The following RAD23B variants were observed in gnomAD, a reference collection of about 807,000 sequenced individuals.
The protein encoded by RAD23B is lysine-specific demethylase RAD23B.
RAD23B carries 5 observed loss-of-function variants against 49.1 expected under a neutral mutation model. The observed-to-expected ratio is 0.10, with a 90% CI of 0.05 to 0.21. The LOEUF is 0.21. RAD23B is among the 10% of genes least tolerant of loss of function. The probability of loss-of-function intolerance (pLI) is 1.00; values close to 1 mark genes in which losing one functional copy is unlikely to be tolerated. For missense variants in RAD23B, 356 were observed against 486.7 expected (o/e 0.73, Z 2.53); for synonymous variants, 184 against 165.4 (o/e 1.11, Z -0.86).
chr9:107,313,809 A>G (rs1441511421), intron 5 of RAD23B, among the ~76,000 whole-genome samples: 4 of 151,990 alleles, frequency 2.6e-5, no homozygotes, highest in Non-Finnish European at 5.9e-5. Flanking sequence ...TACTTGTACC[A>G]TCATTCATTC....
intron 6 of RAD23B, 31 bp from the exon 7 acceptor site, chr9:107,321,952 G>C (rs1451515924): frequency 2.8e-5 from 44 of 1,566,382 alleles, no homozygotes; most frequent in Non-Finnish European, 3.6e-5. Context: ...TGCATGATGG[G>C]ATATCTTAAA....
intron 1 of RAD23B, among the ~76,000 whole-genome samples, chr9:107,296,138 C>T (rs1826515556): frequency 6.6e-6 from 1 of 152,110 alleles, no homozygotes; most frequent in Non-Finnish European, 1.5e-5. Flanking sequence ...AAGTAAAGAT[C>T]ACTGTTTTGT....
Position 107,300,147 on chromosome 9 carries a change from G to A in RAD23B, c.73G>A (p.Ala25Thr). ...IDIDPEETVK[A>T]LKEKIESEKG... ...ATCTTTATTTTTCCTATAGGTGAAA[G>A]CACTGAAAGAGAAGATTGAATCTGA... Residue 25 changes from alanine (A) to threonine (T), a missense_variant, in exon 2 of 10, where the codon GCA becomes ACA. Physicochemically the swap from Ala to Thr is moderately conservative, Grantham distance 58 (BLOSUM62 0). Around this residue, in one of 5 missense-constraint regions of RAD23B, gnomAD observed 32 missense variants for 62.3 expected, o/e 0.51. Transcript: ENST00000358015. 6.2e-7 allele frequency: 1 copy of A among 1,604,112 alleles called. No homozygotes were observed. The highest frequency in any genetic ancestry group is 1.1e-5 in the South Asian group (1 of 88,678).
At chr9:107,322,602 C>G (rs2133095813) in intron 7 of RAD23B, among the ~76,000 whole-genome samples, 1 of 152,244 alleles carries the variant, frequency 6.6e-6, no homozygotes, top group East Asian at 1.9e-4. Context: ...GGGGTGCTGA[C>G]CATACCCCAC....
intron 1 of RAD23B, among the ~76,000 whole-genome samples, chr9:107,298,068 GT>G (rs1826568594): frequency 6.6e-6 from 1 of 152,068 alleles, no homozygotes; most frequent in South Asian, 2.1e-4. Context: ...TTTATTTGTA[GT>G]TTTCCTAAAT....
chr9:107,325,027 A>G, intron 9 of RAD23B, 23 bp downstream of exon 9: 1 of 1,604,042 alleles, frequency 6.2e-7, no homozygotes, highest in Non-Finnish European at 8.5e-7. Flanking sequence ...AAAACTTTAA[A>G]AAAATTAGTT....
rs890714322 is a variant in RAD23B at position 107,318,024 on chromosome 9, CTCT to C, written c.554-723_554-721del. Among the ~76,000 whole-genome samples, 2 of 152,152 alleles carry C rather than the reference CTCT, an allele frequency of 1.3e-5. No homozygotes were observed. The highest frequency in any genetic ancestry group is 4.8e-5 in the African/African-American group (2 of 41,430). On this transcript the variant is annotated intron_variant, in intron 5 of 9. Coordinates refer to ENST00000358015, the MANE Select transcript of RAD23B (RefSeq NM_002874.5). The surrounding 1 kb of genome is among the most constrained non-coding windows in gnomAD (Gnocchi z 4.3). The stretch of plus-strand genomic sequence containing the variant: ...CCAGCATGTTTTCAGAATTTGGTGT[CTCT>C]TCTTACCAGTTGCCTTCCCTGACCT...
At chr9:107,307,851 A>G (rs1409336251) in intron 4 of RAD23B, among the ~76,000 whole-genome samples, 2 of 152,204 alleles carry the variant, frequency 1.3e-5, no homozygotes, top group East Asian at 1.9e-4. Context: ...TGCCTAGAAC[A>G]CTGCTTTAAG....
At chr9:107,326,383 A>AG (rs1304158784) in intron 9 of RAD23B, among the ~76,000 whole-genome samples, 1 of 150,000 alleles carries the variant, frequency 6.7e-6, no homozygotes, top group African/African-American at 2.5e-5. Context: ...CGGGAGACTG[A>AG]GGCAGGAGAA....
Position 107,330,799 on chromosome 9 carries a change from C to T in RAD23B, c.*1143C>T, listed in dbSNP as rs542586304. The stretch of plus-strand genomic sequence containing the variant: ...ATTGCATTGGAAAGACTGGCAAAGT[C>T]TTTTGGATGGGTTGGGAGATGTGGC... On this transcript the variant is annotated 3_prime_UTR_variant, in exon 10 of 10. Coordinates refer to ENST00000358015, the MANE Select transcript of RAD23B (RefSeq NM_002874.5). The surrounding 1 kb of genome is among the most constrained non-coding windows in gnomAD (Gnocchi z 4.4). 1 of 152,676 alleles carries T rather than the reference C, an allele frequency of 6.5e-6. No individual in the cohort carries two copies. The highest frequency in any genetic ancestry group is 6.5e-5 in the Admixed American group (1 of 15,298). The allele number at this position is 152,676 out of a possible 1,614,324, so 9.5% of individuals were successfully genotyped here.
chr9:107,296,055 A>G (rs1485266345), intron 1 of RAD23B, among the ~76,000 whole-genome samples: 1 of 152,190 alleles, frequency 6.6e-6, no homozygotes, highest in African/African-American at 2.4e-5. Context: ...GGTCACTTAT[A>G]ATTTTAAACA....
chr9:107,326,054 A>G (rs1188958832), intron 9 of RAD23B, among the ~76,000 whole-genome samples: 7 of 152,090 alleles, frequency 4.6e-5, no homozygotes, highest in African/African-American at 7.2e-5. Context: ...CCAACCTTGC[A>G]TTTCTGAGAT....
intron 1 of RAD23B, among the ~76,000 whole-genome samples, chr9:107,294,970 T>C (rs1403088199): frequency 6.6e-6 from 1 of 152,070 alleles, no homozygotes. Flanking sequence ...AGGTCAGTAC[T>C]GTCACACGTG....
intron 2 of RAD23B, among the ~76,000 whole-genome samples, 188 bp from the exon 3 acceptor site, chr9:107,301,847 G>C (rs1179730433): frequency 6.6e-6 from 1 of 152,070 alleles, no homozygotes; most frequent in African/African-American, 2.4e-5. Context: ...TGCCACTTAG[G>C]AGTTGTTTTA....
At chr9:107,305,935 C>T (rs1464258030) in intron 3 of RAD23B, among the ~76,000 whole-genome samples, 1 of 151,160 alleles carries the variant, frequency 6.6e-6, no homozygotes, top group Non-Finnish European at 1.5e-5. Flanking sequence ...GGTAGCAAGA[C>T]CCTGTCTTTA....
At chr9:107,314,616 ATGT>A (rs772996874) in intron 5 of RAD23B, among the ~76,000 whole-genome samples, 15 of 152,242 alleles carry the variant, frequency 9.9e-5, no homozygotes, top group Non-Finnish European at 1.2e-4. Context: ...ATTGTGAATA[ATGT>A]TGTGATTAAC....
intron 4 of RAD23B, among the ~76,000 whole-genome samples, chr9:107,308,346 G>A (rs1201229072): frequency 2.6e-5 from 4 of 151,952 alleles, no homozygotes; most frequent in Admixed American, 6.6e-5. Context: ...AGCCTCCTGA[G>A]TAGCTGGGAT....
intron 3 of RAD23B, among the ~76,000 whole-genome samples, chr9:107,302,679 G>A (rs914400331): frequency 2.5e-4 from 36 of 145,220 alleles, no homozygotes; most frequent in African/African-American, 9.1e-4. Context: ...TTTTTGAGAC[G>A]GAGTCTCGCT....
chr9:107,298,496 T>G (rs1325806264), intron 1 of RAD23B, among the ~76,000 whole-genome samples: 1 of 136,902 alleles, frequency 7.3e-6, no homozygotes, highest in Non-Finnish European at 1.6e-5. Context: ...TTTTTTTTTT[T>G]TTTTTTGCAT....
Sources: allele counts gnomAD v4.1 joint callset (sites outside exome capture counted in the v4.1 genomes callset), GRCh38; gene constraint gnomAD v4.1.1; regional missense constraint gnomAD v4.1.1; non-coding constraint Gnocchi (gnomAD v3.1); transcripts MANE v1.5; gene names NCBI Gene and HGNC (gene_info 2026-07-23, HGNC 2026-07-21).